Variants in CLHC1 observed in about 807,000 individuals in gnomAD.
CLHC1 encodes clathrin heavy chain linker domain containing 1, also known as clathrin heavy chain linker domain-containing protein 1.
In CLHC1, 72 loss-of-function variants were observed where a neutral mutation model predicts 69.5. That is an observed-to-expected ratio of 1.04 (90% CI 0.86 to 1.26). The LOEUF (loss-of-function observed/expected upper bound fraction) is 1.26, where lower values mean the gene tolerates loss of function less well. CLHC1 is among the 50% of genes most tolerant of loss of function. The pLI, the probability that CLHC1 is intolerant of heterozygous loss-of-function variation, is 0.00. For synonymous variants in CLHC1, 223 were observed against 224.3 expected (o/e 0.99, Z 0.05); for missense variants, 790 against 679.3 (o/e 1.16, Z -1.81).
In CLHC1 at chr2:55,181,759, A is replaced by C; in HGVS notation, c.1007-15T>G. On this transcript the variant is annotated splice_polypyrimidine_tract_variant and intron_variant, in intron 9 of 12. Coordinates refer to ENST00000401408, the MANE Select transcript of CLHC1 (RefSeq NM_152385.4). Reference sequence around the variant, plus strand: ...TTTTCCAACAGCTACAGAAAGGAGAAAATTTTCTGAGTCAAATACTTTAAG... The same window carrying C: ...TTTTCCAACAGCTACAGAAAGGAGACAATTTTCTGAGTCAAATACTTTAAG... 1.9e-6 allele frequency: 3 copies of C among 1,601,872 alleles called. No homozygotes were observed. Among genetic ancestry groups the C allele is most frequent in the Non-Finnish European group, 2.6e-6 (3 of 1,174,292 alleles).
chr2:55,216,801 G>A (rs567432993), intron 4 of CLHC1, among the ~76,000 whole-genome samples: 6 of 152,106 alleles, frequency 3.9e-5, no homozygotes, highest in Non-Finnish European at 7.3e-5. Context: ...GGGATTACAG[G>A]TGTGAGCCAC....
At chr2:55,210,750 C>G (rs543129897) in intron 5 of CLHC1, among the ~76,000 whole-genome samples, 8 of 152,298 alleles carry the variant, frequency 5.3e-5, no homozygotes, top group African/African-American at 1.7e-4. Flanking sequence ...ATTCTCAACA[C>G]AAAATATAAA....
In CLHC1 at chr2:55,182,849, G is replaced by A. The variant is rs535043938; in HGVS notation, c.1007-1105C>T. Among the ~76,000 whole-genome samples, 3 of 152,110 alleles carry A rather than the reference G, an allele frequency of 2.0e-5. No individual in the cohort carries two copies. The East Asian group carries it at 5.8e-4, about 29-fold the overall frequency. On this transcript the variant is annotated intron_variant, in intron 9 of 12. Coordinates refer to ENST00000401408, the MANE Select transcript of CLHC1 (RefSeq NM_152385.4). ...GCATGCAGACCAGATAACCCCACCT[G>A]AGAGAGTCTTTGGGGGTACACACCA...
At chr2:55,189,271 A>G (rs918372128) in intron 9 of CLHC1, among the ~76,000 whole-genome samples, 2 of 152,166 alleles carry the variant, frequency 1.3e-5, no homozygotes, top group Non-Finnish European at 2.9e-5. Flanking sequence ...GGAACAAAGA[A>G]CTGATGAAAA....
At chr2:55,219,886 C>G (rs985178209) in intron 3 of CLHC1, among the ~76,000 whole-genome samples, 5 of 152,136 alleles carry the variant, frequency 3.3e-5, no homozygotes, top group Non-Finnish European at 7.4e-5. Flanking sequence ...GTCCAGCTAC[C>G]TCCATATCCC....
intron 9 of CLHC1, among the ~76,000 whole-genome samples, chr2:55,200,293 C>A (rs979264446): frequency 3.0e-5 from 4 of 132,108 alleles, no homozygotes; most frequent in Admixed American, 1.6e-4. Flanking sequence ...CTGTTGCCTA[C>A]AAGAAACACT....
At chr2:55,206,418 G>A (rs1392548427) in intron 8 of CLHC1, 42 bp from the exon 9 acceptor site, 3 of 1,091,840 alleles carry the variant, frequency 2.7e-6, no homozygotes, top group Admixed American at 1.8e-5. Context: ...ATGACACAAA[G>A]AAAAAGAGAA....
At chr2:55,200,916 C>T (rs1671887833) in intron 9 of CLHC1, among the ~76,000 whole-genome samples, 1 of 152,088 alleles carries the variant, frequency 6.6e-6, no homozygotes, top group Admixed American at 6.6e-5. Context: ...AAACAATACG[C>T]TCCTGACTGA....
chr2:55,221,427 A>G (rs1674103744), intron 3 of CLHC1, among the ~76,000 whole-genome samples: 1 of 152,222 alleles, frequency 6.6e-6, no homozygotes, highest in African/African-American at 2.4e-5. Context: ...CCTATTTCCA[A>G]TATTAATTCC....
intron 2 of CLHC1, chr2:55,224,805 G>C: frequency 3.3e-6 from 1 of 306,926 alleles, no homozygotes; most frequent in Non-Finnish European, 6.7e-6. Flanking sequence ...GTAAAGCTCC[G>C]TCAAAGAGGC....
intron 4 of CLHC1, among the ~76,000 whole-genome samples, chr2:55,215,442 A>T (rs1673405050): frequency 6.6e-6 from 1 of 152,210 alleles, no homozygotes; most frequent in Non-Finnish European, 1.5e-5. Context: ...TACTTCAAGA[A>T]TCATCCTTGT....
At chr2:55,198,459 C>T (rs1030381757) in intron 9 of CLHC1, among the ~76,000 whole-genome samples, 1 of 152,112 alleles carries the variant, frequency 6.6e-6, no homozygotes, top group Admixed American at 6.5e-5. Context: ...TGGTGGCACA[C>T]CTGTAGTTTC....
chr2:55,173,972 G>A lies in CLHC1; in HGVS notation c.*1818C>T, dbSNP rs1276447951. 6.9e-6 allele frequency among the ~76,000 whole-genome samples: 1 copy of A among 145,800 alleles called. No individual in the cohort carries two copies. Among genetic ancestry groups the A allele is most frequent in the Non-Finnish European group, 1.5e-5 (1 of 66,846 alleles). On this transcript the variant is annotated 3_prime_UTR_variant, in exon 13 of 13. Transcript: ENST00000401408. ...TTTTTTTTTCTAAGCTCTGTCAATGGACACATAATAGCTTTCTATCAATCA... is the reference window on the plus strand; with the variant it reads ...TTTTTTTTTCTAAGCTCTGTCAATGAACACATAATAGCTTTCTATCAATCA...
chr2:55,178,767 C>T (rs1020046873), intron 11 of CLHC1, among the ~76,000 whole-genome samples: 4 of 151,950 alleles, frequency 2.6e-5, no homozygotes, highest in East Asian at 1.9e-4. Flanking sequence ...AAGGACTACC[C>T]GAAACATAAT....
At chr2:55,191,736 T>A (rs1670949359) in intron 9 of CLHC1, among the ~76,000 whole-genome samples, 1 of 149,508 alleles carries the variant, frequency 6.7e-6, no homozygotes, top group African/African-American at 2.5e-5. Flanking sequence ...AGCTCCTAAG[T>A]CAACAAAGGA....
intron 9 of CLHC1, among the ~76,000 whole-genome samples, chr2:55,202,678 C>G (rs1672069739): frequency 6.6e-6 from 1 of 151,954 alleles, no homozygotes; most frequent in Non-Finnish European, 1.5e-5. Context: ...GGGCTGATCA[C>G]TTGAGGTCAG....
chr2:55,230,646 G>A (rs1033910075), intron 1 of CLHC1, among the ~76,000 whole-genome samples: 1 of 152,164 alleles, frequency 6.6e-6, no homozygotes, highest in Non-Finnish European at 1.5e-5. Context: ...AGCAGCAAAT[G>A]AGCCTGGAAA....
chr2:55,203,534 A>C (rs1024363474), intron 9 of CLHC1, among the ~76,000 whole-genome samples: 1 of 152,214 alleles, frequency 6.6e-6, no homozygotes, highest in Non-Finnish European at 1.5e-5. Flanking sequence ...CACTTTTGAC[A>C]AAGGTGACAA....
Position 55,209,610 on chromosome 2 carries a change from C to A in CLHC1, c.701+20G>T. On this transcript the variant is annotated intron_variant, in intron 6 of 12. Transcript: ENST00000401408. ...CAAATAAAACTCCAAACTTTAAAAA[C>A]ATATAATCAACTTCCATACCAAAAC... 1.9e-6 allele frequency: 3 copies of A among 1,608,982 alleles called. No homozygotes were observed. The highest frequency in any genetic ancestry group is 1.7e-6 in the Non-Finnish European group (2 of 1,175,916).
Sources: allele counts gnomAD v4.1 joint callset (sites outside exome capture counted in the v4.1 genomes callset), GRCh38; gene constraint gnomAD v4.1.1; transcripts MANE v1.5; gene names NCBI Gene and HGNC (gene_info 2026-07-23, HGNC 2026-07-21).